The following PARD3B variants were observed in gnomAD, a reference collection of about 807,000 sequenced individuals.
PARD3B encodes the protein par-3 family cell polarity regulator beta.
Under a neutral mutation model 130.2 loss-of-function variants are expected in PARD3B, and 103 were observed. The observed-to-expected ratio is 0.79, with a 90% confidence interval of 0.67 to 0.93. PARD3B has a LOEUF of 0.93. Among genes scored for constraint, PARD3B ranks in the 40% least tolerant of loss-of-function variants. PARD3B has a pLI of 0.00. For missense variants in PARD3B, 1,609 were observed against 1,499.2 expected (o/e 1.07, Z -1.21); for synonymous variants, 583 against 553.2 (o/e 1.05, Z -0.76).
chr2:204,986,041 C>T (rs1693111023), intron 3 of PARD3B, among the ~76,000 whole-genome samples: 1 of 131,394 alleles, frequency 7.6e-6, no homozygotes, highest in East Asian at 2.2e-4. Context: ...GTGGAGCTTG[C>T]AGTGAGCCGA....
chr2:204,987,707 A>G (rs1693286426), intron 3 of PARD3B, among the ~76,000 whole-genome samples: 1 of 152,204 alleles, frequency 6.6e-6, no homozygotes, highest in Non-Finnish European at 1.5e-5. Flanking sequence ...CAGTGTTCCA[A>G]GACTAAGGAC....
Position 205,598,325 on chromosome 2 carries a change from G to T in PARD3B, c.3261-17131G>T, listed in dbSNP as rs181767097. On this transcript the variant is annotated intron_variant, in intron 22 of 22. Coordinates refer to ENST00000406610, the MANE Select transcript of PARD3B (RefSeq NM_001302769.2). Reference sequence around the variant, plus strand: ...AGCAGGGGTTGCTAATCTTCTATCAGATAAAACAGACTTTGAATGAACAAC... The same window carrying T: ...AGCAGGGGTTGCTAATCTTCTATCATATAAAACAGACTTTGAATGAACAAC... Among the ~76,000 whole-genome samples the T allele has an allele frequency of 1.2e-4, 18 of 149,848 alleles. No individual in the cohort carries two copies. In the East Asian group the frequency reaches 3.5e-3, roughly 29 times the overall value.
In PARD3B at chr2:205,215,879, A is replaced by T. The variant is rs183877787; in HGVS notation, c.2140+22559A>T. On this transcript the variant is annotated intron_variant, in intron 15 of 22. Transcript: ENST00000406610. ...AAGAGAATTAGTGAAATTATATAATATTAATCTAATCTATATAATACACTA... is the reference window on the plus strand; with the variant it reads ...AAGAGAATTAGTGAAATTATATAATTTTAATCTAATCTATATAATACACTA... Among the ~76,000 whole-genome samples the T allele has an allele frequency of 9.2e-4, 140 of 152,220 alleles. 2 individuals are homozygous for T. The East Asian group carries it at 0.014, about 16-fold the overall frequency.
At chr2:205,331,503 C>T (rs576115926) in intron 18 of PARD3B, among the ~76,000 whole-genome samples, 13 of 151,960 alleles carry the variant, frequency 8.6e-5, no homozygotes, top group African/African-American at 1.9e-4. Context: ...TGTGTTGGGC[C>T]GGGCGTGGTG....
intron 2 of PARD3B, among the ~76,000 whole-genome samples, chr2:204,751,727 T>G (rs2040474762): frequency 6.6e-6 from 1 of 152,176 alleles, no homozygotes; most frequent in Admixed American, 6.5e-5. Context: ...TGGCCAAAAT[T>G]GCTGAAAATT....
At chr2:205,350,877 A>G (rs1028892581) in intron 18 of PARD3B, among the ~76,000 whole-genome samples, 1 of 152,184 alleles carries the variant, frequency 6.6e-6, no homozygotes, top group African/African-American at 2.4e-5. Context: ...GAAAAAGTAT[A>G]TTCTTGACTT....
Position 204,831,444 on chromosome 2 carries a change from A to T in PARD3B, c.223-133708A>T, listed in dbSNP as rs183045929. 6.3e-3 allele frequency among the ~76,000 whole-genome samples: 958 copies of T among 152,344 alleles called. 11 individuals are homozygous for T. The highest frequency in any genetic ancestry group is 0.022 in the African/African-American group (906 of 41,576). ...AAGCCACCATAAAGAAAGACATTTC[A>T]TTGTTTTAATAACTTATGTTCAGAA... On this transcript the variant is annotated intron_variant, in intron 2 of 22. Transcript: ENST00000406610.
In PARD3B at chr2:205,458,367, G is replaced by C. The variant is rs148201946; in HGVS notation, c.3044+17695G>C. On this transcript the variant is annotated intron_variant, in intron 20 of 22. Transcript: ENST00000406610. This position sits in a 1 kb window ranked among gnomAD's most constrained non-coding sequence, Gnocchi z 4.8. ...GGGATCCAATAAAGCAAAAATATTT[G>C]ACCTTTCTGTACATGCGTCTTGCTC... Among the ~76,000 whole-genome samples, 7 of 151,518 alleles carry C rather than the reference G, an allele frequency of 4.6e-5. No homozygotes were observed. The highest frequency in any genetic ancestry group is 8.8e-5 in the Non-Finnish European group (6 of 67,886).
intron 13 of PARD3B, among the ~76,000 whole-genome samples, chr2:205,181,822 G>C (rs1406483023): frequency 2.0e-5 from 3 of 152,176 alleles, no homozygotes; most frequent in Non-Finnish European, 4.4e-5. Flanking sequence ...TACAGGCATA[G>C]ATATATACGA....
At position 205,187,801 on chromosome 2, in the gene PARD3B, G is replaced by T. The variant is rs191717499; in HGVS notation, c.2024+1938G>T. ...TTTTCACGTCTTCCTTCCTAGTCCC[G>T]TGTGTTTTAGGCCTCTGTTCTCACT... On this transcript the variant is annotated intron_variant, in intron 14 of 22. Coordinates refer to ENST00000406610, the MANE Select transcript of PARD3B (RefSeq NM_001302769.2). This position sits in a 1 kb window ranked among gnomAD's most constrained non-coding sequence, Gnocchi z 4.9. Among the ~76,000 whole-genome samples the T allele has an allele frequency of 6.6e-6, 1 of 152,008 alleles. No individual in the cohort carries two copies. Among genetic ancestry groups the T allele is most frequent in the African/African-American group, 2.4e-5 (1 of 41,374 alleles).
intron 2 of PARD3B, among the ~76,000 whole-genome samples, chr2:204,945,031 T>G (rs236833): frequency 0.36 from 54,166 of 152,098 alleles, 10,707 homozygotes; most frequent in East Asian, 0.74. Context: ...ATCTGTACAT[T>G]ACATACCATT....
chr2:205,008,686 A>G lies in PARD3B; in HGVS notation c.395-38895A>G, dbSNP rs577625142. Among the ~76,000 whole-genome samples the G allele has an allele frequency of 5.0e-4, 76 of 152,324 alleles. 1 individual carries two copies. Among genetic ancestry groups the G allele is most frequent in the African/African-American group, 1.8e-3 (73 of 41,590 alleles). On this transcript the variant is annotated intron_variant, in intron 3 of 22. Transcript: ENST00000406610. Reference sequence around the variant, plus strand: ...AATCTTTAAGTATAGAACAGGGCAAAAAGTCTTTCTCTAGTAAATCAATTA... The same window carrying G: ...AATCTTTAAGTATAGAACAGGGCAAGAAGTCTTTCTCTAGTAAATCAATTA...
At chr2:205,503,710 G>T (rs1003393529) in intron 21 of PARD3B, among the ~76,000 whole-genome samples, 7 of 152,134 alleles carry the variant, frequency 4.6e-5, no homozygotes, top group African/African-American at 9.7e-5. Flanking sequence ...ATTCTGTGAA[G>T]AAAGTCATTG....
chr2:204,964,491 G>A (rs112294912), intron 2 of PARD3B, among the ~76,000 whole-genome samples: 1 of 152,164 alleles, frequency 6.6e-6, no homozygotes, highest in Non-Finnish European at 1.5e-5. Flanking sequence ...TTAAAAGTAA[G>A]GATGTCGAGT....
At chr2:205,018,934 T>A (rs1046475552) in intron 3 of PARD3B, among the ~76,000 whole-genome samples, 1 of 152,130 alleles carries the variant, frequency 6.6e-6, no homozygotes, top group African/African-American at 2.4e-5. Flanking sequence ...TGATTTATAC[T>A]TAAATTTATC....
At chr2:204,797,400 A>C (rs2042413238) in intron 2 of PARD3B, among the ~76,000 whole-genome samples, 1 of 152,192 alleles carries the variant, frequency 6.6e-6, no homozygotes, top group South Asian at 2.1e-4. Flanking sequence ...GAACAAGTTT[A>C]TTACCTCAAA....
In PARD3B at chr2:204,940,702, G is replaced by A. The variant is rs545758957; in HGVS notation, c.223-24450G>A. ...CAATTTGAAGGCTAGCTCTGTTGTC[G>A]CAGTGGTTTTGAGTGCAGCTTGAAA... On this transcript the variant is annotated intron_variant, in intron 2 of 22. Transcript: ENST00000406610. 5.9e-5 allele frequency among the ~76,000 whole-genome samples: 9 copies of A among 152,202 alleles called. No homozygotes were observed. The South Asian group carries it at 1.2e-3, about 21-fold the overall frequency.
At chr2:205,489,522 T>TATATACGTATATATACAC (rs1559141351) in intron 20 of PARD3B, among the ~76,000 whole-genome samples, 1 of 126,416 alleles carries the variant, frequency 7.9e-6, no homozygotes, top group Non-Finnish European at 1.7e-5. Flanking sequence ...TATATATATA[T>TATATACGTATATATACAC]ACACACATAT....
At chr2:205,606,252 C>G (rs1018480323) in intron 22 of PARD3B, among the ~76,000 whole-genome samples, 2 of 152,082 alleles carry the variant, frequency 1.3e-5, no homozygotes, top group Admixed American at 1.3e-4. Context: ...CATGGGCTCA[C>G]GAGTGGGATC....
Sources: gnomAD v4.1 joint callset for allele counts (sites outside exome capture counted in the v4.1 genomes callset) on GRCh38, gnomAD v4.1.1 for gene constraint, Gnocchi (gnomAD v3.1) non-coding constraint, MANE v1.5 for transcripts, NCBI Gene and HGNC (gene_info 2026-07-23, HGNC 2026-07-21) for gene names.